DLG2: variants seen among roughly 807,000 people sequenced by gnomAD.
DLG2 encodes the protein disks large homolog 2.
In DLG2, 45 loss-of-function variants were observed where a neutral mutation model predicts 132.5. The observed-to-expected ratio is 0.34, with a 90% CI of 0.27 to 0.44. DLG2 has a LOEUF of 0.44. Among genes scored for constraint, DLG2 ranks in the 20% least tolerant of loss-of-function variants. The pLI is 1.00. For synonymous variants in DLG2, 424 were observed against 419.6 expected (o/e 1.01, Z -0.13); for missense variants, 1,045 against 1,196.9 (o/e 0.87, Z 1.87).
chr11:84,688,626 T>G (rs1348087346), intron 6 of DLG2, among the ~76,000 whole-genome samples: 2 of 152,146 alleles, frequency 1.3e-5, no homozygotes, highest in East Asian at 1.9e-4. Flanking sequence ...AAATAAATAT[T>G]GTGGGGAAGT....
chr11:84,802,563 TTCTTC>T (rs2075524961), intron 6 of DLG2, among the ~76,000 whole-genome samples: 1 of 151,946 alleles, frequency 6.6e-6, no homozygotes, highest in African/African-American at 2.4e-5. Flanking sequence ...CCTGGTATTT[TTCTTC>T]TCTTCTCTTC....
At chr11:84,277,170 C>A (rs2097790754) in intron 7 of DLG2, among the ~76,000 whole-genome samples, 1 of 152,060 alleles carries the variant, frequency 6.6e-6, no homozygotes, top group African/African-American at 2.4e-5. Context: ...ATTAATAGAA[C>A]AAATAGAAAA....
At chr11:85,565,396 T>TG (rs2077476306) in intron 3 of DLG2, among the ~76,000 whole-genome samples, 1 of 152,080 alleles carries the variant, frequency 6.6e-6, no homozygotes, top group Non-Finnish European at 1.5e-5. Context: ...CATTTTAAAG[T>TG]ATATAATTTA....
chr11:83,532,638 T>C, intron 21 of DLG2, 70 bp downstream of exon 21: 3 of 1,391,026 alleles, frequency 2.2e-6, no homozygotes, highest in South Asian at 1.2e-5. Context: ...ACTGAAAGCC[T>C]AAATGTGTTA....
chr11:84,924,340 A>G (rs2092897641), intron 6 of DLG2, among the ~76,000 whole-genome samples: 1 of 152,326 alleles, frequency 6.6e-6, no homozygotes, highest in East Asian at 1.9e-4. Flanking sequence ...GGGAGGAAAA[A>G]AAGTGGTTAT....
intron 6 of DLG2, among the ~76,000 whole-genome samples, chr11:84,871,836 G>A (rs1033186587): frequency 4.6e-5 from 7 of 151,952 alleles, no homozygotes; most frequent in African/African-American, 1.2e-4. Context: ...GAGCATGTGC[G>A]GCTAATCTTT....
chr11:83,950,568 G>C (rs1392971754), intron 14 of DLG2, among the ~76,000 whole-genome samples: 1 of 152,172 alleles, frequency 6.6e-6, no homozygotes, highest in South Asian at 2.1e-4. Context: ...ACTCCAGCCT[G>C]GGCAAGAAGA....
chr11:85,159,573 T>G (rs536501884), intron 4 of DLG2, among the ~76,000 whole-genome samples: 1 of 152,212 alleles, frequency 6.6e-6, no homozygotes, highest in Non-Finnish European at 1.5e-5. Context: ...CAGAAGACAG[T>G]TGGATCTTGG....
intron 6 of DLG2, among the ~76,000 whole-genome samples, chr11:84,701,558 C>G (rs1018297946): frequency 2.0e-5 from 3 of 151,622 alleles, no homozygotes; most frequent in Non-Finnish European, 4.4e-5. Flanking sequence ...ATACCCTACT[C>G]TCTCAGACTT....
chr11:85,199,200 A>G (rs2081278389), intron 4 of DLG2, among the ~76,000 whole-genome samples: 1 of 152,214 alleles, frequency 6.6e-6, no homozygotes, highest in South Asian at 2.1e-4. Flanking sequence ...ATATAATGTA[A>G]TACTACTCAG....
chr11:84,289,317 G>A (rs2154374728), intron 7 of DLG2, among the ~76,000 whole-genome samples: 1 of 152,152 alleles, frequency 6.6e-6, no homozygotes, highest in East Asian at 1.9e-4. Context: ...ATTGGCCCAA[G>A]CTTTTATGAG....
Position 84,816,387 on chromosome 11 carries a change from G to T in DLG2, c.358-281656C>A, listed in dbSNP as rs58679523. ...TTCATCTCAGATCAAATAGAGCCAA[G>T]AATCTTGGTAACATACACAGAGACT... is the stretch of plus-strand genomic sequence containing the variant. On this transcript the variant is annotated intron_variant, in intron 6 of 27. Coordinates refer to ENST00000376104, the MANE Select transcript of DLG2 (RefSeq NM_001142699.3). 7.5e-3 allele frequency among the ~76,000 whole-genome samples: 1,141 copies of T among 151,882 alleles called. 16 individuals are homozygous for T. The highest frequency in any genetic ancestry group is 0.025 in the African/African-American group (1,044 of 41,456).
chr11:83,514,627 T>G (rs924130883), intron 21 of DLG2, among the ~76,000 whole-genome samples: 44 of 152,194 alleles, frequency 2.9e-4, no homozygotes, highest in Admixed American at 2.9e-3. Context: ...AGGGAATGCT[T>G]CCAGTTTTTG....
chr11:83,638,158 A>C (rs903717918), intron 18 of DLG2, among the ~76,000 whole-genome samples: 8 of 152,012 alleles, frequency 5.3e-5, no homozygotes, highest in Non-Finnish European at 2.9e-5. Flanking sequence ...TTCTTTCTCC[A>C]CCTCTATATA....
At chr11:85,274,881 C>T (rs1369063366) in intron 4 of DLG2, among the ~76,000 whole-genome samples, 1 of 152,144 alleles carries the variant, frequency 6.6e-6, no homozygotes, top group South Asian at 2.1e-4. Context: ...AACAGACAGG[C>T]CTTGCTAGGT....
intron 18 of DLG2, among the ~76,000 whole-genome samples, chr11:83,726,725 C>T (rs1401961942): frequency 6.6e-6 from 1 of 151,610 alleles, no homozygotes; most frequent in Non-Finnish European, 1.5e-5. Flanking sequence ...ATTGCAGACC[C>T]TGAGAGACAT....
intron 3 of DLG2, among the ~76,000 whole-genome samples, chr11:85,436,791 T>A (rs1181642583): frequency 6.6e-6 from 1 of 152,164 alleles, no homozygotes; most frequent in East Asian, 1.9e-4. Flanking sequence ...GACCTAGCAA[T>A]CCCATTACTG....
intron 8 of DLG2, among the ~76,000 whole-genome samples, chr11:84,174,508 A>G (rs565228375): frequency 5.1e-4 from 77 of 152,280 alleles, no homozygotes; most frequent in African/African-American, 1.7e-3. Flanking sequence ...TCCTTTTGGT[A>G]TCTTTACTAA....
chr11:84,801,370 C>A lies in DLG2; in HGVS notation c.358-266639G>T, dbSNP rs527685289. Among the ~76,000 whole-genome samples, 585 of 152,240 alleles carry A rather than the reference C, an allele frequency of 3.8e-3. 7 individuals are homozygous for A. Among genetic ancestry groups the A allele is most frequent in the African/African-American group, 0.013 (546 of 41,534 alleles). On this transcript the variant is annotated intron_variant, in intron 6 of 27. Coordinates refer to ENST00000376104, the MANE Select transcript of DLG2 (RefSeq NM_001142699.3). ...GGATCACGAGGTCAGGAGATCAAGA[C>A]CATCCTGGCTAACACTGTGAAACCC...
Sources: gnomAD v4.1 joint callset for allele counts (sites outside exome capture counted in the v4.1 genomes callset) on GRCh38, gnomAD v4.1.1 for gene constraint, MANE v1.5 for transcripts, NCBI Gene and HGNC (gene_info 2026-07-23, HGNC 2026-07-21) for gene names.